Variants in COL19A1 observed in about 807,000 individuals in gnomAD.
COL19A1 encodes the protein collagen type XIX alpha 1 chain.
Under a neutral mutation model 190.2 loss-of-function variants are expected in COL19A1, and 159 were observed. The ratio of observed to expected loss-of-function variants is 0.84; its 90% confidence interval spans 0.73 to 0.95. The LOEUF (loss-of-function observed/expected upper bound fraction) is 0.95. Among genes scored for constraint, COL19A1 ranks in the 40% least tolerant of loss-of-function variants. The pLI is 0.00. For synonymous variants in COL19A1, 509 were observed against 458.9 expected (o/e 1.11, Z -1.39); for missense variants, 1,418 against 1,431.9 (o/e 0.99, Z 0.16).
intron 9 of COL19A1, among the ~76,000 whole-genome samples, chr6:69,941,669 C>T (rs1773473230): frequency 6.7e-6 from 1 of 149,336 alleles, no homozygotes; most frequent in South Asian, 2.1e-4. Context: ...CTGACCTTCT[C>T]TGGATACAAT....
At chr6:69,948,225 A>G (rs1773931396) in intron 9 of COL19A1, among the ~76,000 whole-genome samples, 1 of 151,858 alleles carries the variant, frequency 6.6e-6, no homozygotes, top group Non-Finnish European at 1.5e-5. Flanking sequence ...TTGCAGAATC[A>G]CCGAAGCGCT....
At chr6:70,167,892 A>T in intron 37 of COL19A1, 133 bp from the exon 38 acceptor site, 1 of 631,914 alleles carries the variant, frequency 1.6e-6, no homozygotes, top group South Asian at 2.9e-5. Context: ...AGAGTATTAA[A>T]TTCCCTTTGT....
rs558502231 is a variant in COL19A1, at chr6:70,017,604, G to A, written c.1027-6023G>A. Among the ~76,000 whole-genome samples the A allele has an allele frequency of 2.6e-5, 4 of 152,178 alleles. No individual in the cohort carries two copies. In the South Asian group the frequency reaches 8.3e-4, roughly 32 times the overall value. ...CTGTAAAAGTAGAGAAAACATCTAG[G>A]GAAAGTTTGTTGAAAGGGAAAACAT... is the stretch of plus-strand genomic sequence containing the variant. On this transcript the variant is annotated intron_variant, in intron 11 of 50. Coordinates refer to ENST00000620364, the MANE Select transcript of COL19A1 (RefSeq NM_001858.6).
chr6:69,990,697 G>A (rs980499484), intron 11 of COL19A1, among the ~76,000 whole-genome samples: 4 of 151,976 alleles, frequency 2.6e-5, no homozygotes, highest in African/African-American at 9.7e-5. Flanking sequence ...GATCAGTTTA[G>A]GTGTGATGTT....
intron 11 of COL19A1, among the ~76,000 whole-genome samples, chr6:69,981,809 A>G (rs1277660233): frequency 2.0e-5 from 3 of 152,158 alleles, no homozygotes; most frequent in African/African-American, 7.2e-5. Context: ...TCCCTTGCCC[A>G]TGCCAAGTCT....
At chr6:70,140,645 T>C (rs920903330) in intron 19 of COL19A1, among the ~76,000 whole-genome samples, 2 of 152,108 alleles carry the variant, frequency 1.3e-5, no homozygotes, top group Admixed American at 1.3e-4. Context: ...GTGTGATCGT[T>C]TTCTATGTGG....
intron 48 of COL19A1, among the ~76,000 whole-genome samples, chr6:70,194,940 G>A (rs978955673): frequency 6.0e-5 from 9 of 151,114 alleles, no homozygotes; most frequent in African/African-American, 1.7e-4. Context: ...ATGTTTTCTC[G>A]ATATGCATTT....
intron 12 of COL19A1, among the ~76,000 whole-genome samples, chr6:70,030,324 C>A (rs1778982745): frequency 6.6e-6 from 1 of 151,932 alleles, no homozygotes; most frequent in Non-Finnish European, 1.5e-5. Flanking sequence ...TTTATACCTA[C>A]AAAATAATAT....
intron 15 of COL19A1, among the ~76,000 whole-genome samples, chr6:70,090,272 A>G (rs1484271226): frequency 1.3e-5 from 2 of 152,216 alleles, no homozygotes; most frequent in Non-Finnish European, 2.9e-5. Context: ...GATTCAACCA[A>G]CCATGGATTG....
Position 69,921,435 on chromosome 6 carries a change from TCATATATA to T in COL19A1, c.267-6473_267-6466del, listed in dbSNP as rs1329405845. On this transcript the variant is annotated intron_variant, in intron 4 of 50. Transcript: ENST00000620364. ...TCATATATCATATATATCATATATATCATATATATCATATATCATATATATCATATATA... is the reference window on the plus strand; with the variant it reads ...TCATATATCATATATATCATATATATTCATATATCATATATATCATATATA... 2.6e-3 allele frequency among the ~76,000 whole-genome samples: 217 copies of T among 84,352 alleles called. 11 individuals carry two copies. The highest frequency in any genetic ancestry group is 0.013 in the African/African-American group (196 of 14,956). The allele number at this position is 84,352 out of a possible 152,430, so 55.3% of individuals were successfully genotyped here. A position where few individuals can be genotyped will look rare whatever the true frequency, so the allele number is the denominator to read the frequency against.
At chr6:69,914,075 C>T (rs1771134034) in intron 4 of COL19A1, among the ~76,000 whole-genome samples, 1 of 152,134 alleles carries the variant, frequency 6.6e-6, no homozygotes, top group African/African-American at 2.4e-5. Flanking sequence ...ATCTGGATGG[C>T]ATCCAGTAGG....
Position 69,898,945 on chromosome 6 carries a change from T to C in COL19A1, c.92-3T>C, listed in dbSNP as rs773645292. ...CCTCTATGCTTTTTTTCTTTTTAAATAGAAGAGTCATGCCCTATCCTGAGA... is the reference window on the plus strand; with the variant it reads ...CCTCTATGCTTTTTTTCTTTTTAAACAGAAGAGTCATGCCCTATCCTGAGA... On this transcript the variant is annotated splice_polypyrimidine_tract_variant and splice_region_variant and intron_variant, in intron 2 of 50. Transcript: ENST00000620364. 5.1e-5 allele frequency: 81 copies of C among 1,591,134 alleles called. No homozygotes were observed. The Admixed American group carries it at 1.4e-3, about 27-fold the overall frequency.
At chr6:70,032,624 G>A (rs1779135892) in intron 12 of COL19A1, among the ~76,000 whole-genome samples, 1 of 151,970 alleles carries the variant, frequency 6.6e-6, no homozygotes, top group Non-Finnish European at 1.5e-5. Context: ...AATTATTAGT[G>A]AGATATTTTA....
intron 11 of COL19A1, among the ~76,000 whole-genome samples, chr6:70,010,347 C>CATGGAAATGTTT (rs1554188641): frequency 6.0e-5 from 9 of 149,350 alleles, no homozygotes; most frequent in Admixed American, 6.7e-5. Flanking sequence ...ACAAAGCAAA[C>CATGGAAATGTTT]GAGGGAGGAG....
chr6:70,055,435 A>T (rs9454951), intron 14 of COL19A1, among the ~76,000 whole-genome samples: 64 of 152,230 alleles, frequency 4.2e-4, no homozygotes, highest in African/African-American at 1.5e-3. Flanking sequence ...GTCTAGCTAC[A>T]GATGAATGGT....
intron 11 of COL19A1, among the ~76,000 whole-genome samples, chr6:70,016,444 A>G (rs1165632287): frequency 7.1e-6 from 1 of 141,028 alleles, no homozygotes; most frequent in Non-Finnish European, 1.5e-5. Flanking sequence ...TGTTATTTTA[A>G]TTGTTATGAT....
chr6:70,112,662 C>T lies in COL19A1; in HGVS notation c.1279-9218C>T, dbSNP rs56128791. On this transcript the variant is annotated intron_variant, in intron 16 of 50. Transcript: ENST00000620364. ...AAAGTGTTAAAAAATCTACAAGCTT[C>T]CTAGCATAATTTAGAAAATCTGCTT... 8.7e-3 allele frequency among the ~76,000 whole-genome samples: 1,330 copies of T among 152,192 alleles called. 7 individuals carry two copies. Among genetic ancestry groups the T allele is most frequent in the Non-Finnish European group, 0.013 (911 of 67,996 alleles).
At chr6:70,018,516 G>T (rs77554293) in intron 11 of COL19A1, among the ~76,000 whole-genome samples, 7 of 152,082 alleles carry the variant, frequency 4.6e-5, no homozygotes, top group Non-Finnish European at 1.0e-4. Context: ...TAGAGTGGTG[G>T]TAACAAAACA....
chr6:69,957,717 G>A (rs1774507428), intron 9 of COL19A1, among the ~76,000 whole-genome samples: 1 of 152,100 alleles, frequency 6.6e-6, no homozygotes, highest in African/African-American at 2.4e-5. Context: ...AGAGGCAGCA[G>A]GAGTTCAGAA....
Sources: allele counts gnomAD v4.1 joint callset (sites outside exome capture counted in the v4.1 genomes callset), GRCh38; gene constraint gnomAD v4.1.1; transcripts MANE v1.5; gene names NCBI Gene and HGNC (gene_info 2026-07-23, HGNC 2026-07-21).